Variants in LRRC3B observed in about 807,000 individuals in gnomAD.
LRRC3B encodes leucine-rich repeat-containing protein 3B.
Under a neutral mutation model 12.8 loss-of-function variants are expected in LRRC3B, and 2 were observed. The ratio of observed to expected loss-of-function variants is 0.16; its 90% CI spans 0.06 to 0.49. LRRC3B has a LOEUF of 0.49. Ranked by LOEUF, LRRC3B falls within the 20% of genes least tolerant of loss-of-function variation. The probability of loss-of-function intolerance (pLI) is 0.96; values close to 1 mark genes in which losing one functional copy is unlikely to be tolerated. For synonymous variants in LRRC3B, 132 were observed against 122.0 expected, an observed-to-expected ratio of 1.08 and a Z score of -0.54; for missense variants, 189 against 319.4, an observed-to-expected ratio of 0.59 and a Z score of 3.11.
chr3:26,677,188 T>C (rs1479052406), intron 1 of LRRC3B, among the ~76,000 whole-genome samples: 1 of 152,208 alleles, frequency 6.6e-6, no homozygotes, highest in Admixed American at 6.5e-5. Flanking sequence ...ATGAAGTACC[T>C]TGATAACTGC....
chr3:26,659,185 A>C (rs1356678657), intron 1 of LRRC3B, among the ~76,000 whole-genome samples: 1 of 152,208 alleles, frequency 6.6e-6, no homozygotes, highest in Non-Finnish European at 1.5e-5. Context: ...CCTATGAAGT[A>C]GGTACTATTA....
At chr3:26,683,948 A>C (rs1553604545) in intron 1 of LRRC3B, among the ~76,000 whole-genome samples, 1 of 152,230 alleles carries the variant, frequency 6.6e-6, no homozygotes, top group Non-Finnish European at 1.5e-5. Context: ...TTGATGTGTG[A>C]GAAAAGCTGA....
intron 1 of LRRC3B, among the ~76,000 whole-genome samples, chr3:26,636,115 T>A (rs1029278993): frequency 6.6e-6 from 1 of 152,212 alleles, no homozygotes; most frequent in African/African-American, 2.4e-5. Flanking sequence ...AGTGACTGTT[T>A]CTAAGCATTT....
intron 1 of LRRC3B, among the ~76,000 whole-genome samples, chr3:26,708,332 A>T (rs1049791584): frequency 6.6e-6 from 1 of 152,218 alleles, no homozygotes; most frequent in African/African-American, 2.4e-5. Flanking sequence ...CATAAAAGAT[A>T]GGGCTGCAAC....
intron 1 of LRRC3B, among the ~76,000 whole-genome samples, chr3:26,654,708 C>T (rs990585543): frequency 3.3e-5 from 5 of 152,150 alleles, no homozygotes; most frequent in African/African-American, 1.2e-4. Flanking sequence ...AATATCAGAA[C>T]ATCAGAATAT....
intron 1 of LRRC3B, among the ~76,000 whole-genome samples, chr3:26,662,133 C>T (rs1252395271): frequency 6.6e-6 from 1 of 152,138 alleles, no homozygotes; most frequent in Non-Finnish European, 1.5e-5. Flanking sequence ...TCCTCCTTTA[C>T]TCCTCTTGAG....
At chr3:26,686,718 T>C (rs1329801039) in intron 1 of LRRC3B, among the ~76,000 whole-genome samples, 1 of 152,236 alleles carries the variant, frequency 6.6e-6, no homozygotes, top group Non-Finnish European at 1.5e-5. Flanking sequence ...GGATTTGGCA[T>C]GCAAGAGGTT....
intron 1 of LRRC3B, among the ~76,000 whole-genome samples, chr3:26,705,218 C>T (rs1263839406): frequency 1.3e-5 from 2 of 152,104 alleles, no homozygotes; most frequent in Admixed American, 6.6e-5. Flanking sequence ...TGATGGTTGC[C>T]ACCCAATCCC....
At chr3:26,667,613 A>G (rs971438434) in intron 1 of LRRC3B, among the ~76,000 whole-genome samples, 2 of 152,162 alleles carry the variant, frequency 1.3e-5, no homozygotes, top group African/African-American at 4.8e-5. Context: ...TCCACATTCC[A>G]TGGAATTGGA....
intron 1 of LRRC3B, among the ~76,000 whole-genome samples, chr3:26,672,762 C>A (rs1034432718): frequency 1.3e-5 from 2 of 152,070 alleles, no homozygotes; most frequent in Non-Finnish European, 2.9e-5. Flanking sequence ...CTTTTTTGCC[C>A]CATTTTCATG....
chr3:26,689,835 G>A (rs909527830), intron 1 of LRRC3B, among the ~76,000 whole-genome samples: 3 of 152,186 alleles, frequency 2.0e-5, no homozygotes, highest in African/African-American at 7.2e-5. Flanking sequence ...ACAGTCAGAT[G>A]GTCCGCAGGC....
At chr3:26,647,207 T>G (rs1287082544) in intron 1 of LRRC3B, among the ~76,000 whole-genome samples, 1 of 152,156 alleles carries the variant, frequency 6.6e-6, no homozygotes, top group Non-Finnish European at 1.5e-5. Flanking sequence ...AAGAGTAGCC[T>G]TTCCTCCCTC....
At chr3:26,652,449 C>T (rs941732887) in intron 1 of LRRC3B, among the ~76,000 whole-genome samples, 1 of 152,156 alleles carries the variant, frequency 6.6e-6, no homozygotes, top group African/African-American at 2.4e-5. Context: ...AAAGGAATCT[C>T]ATAGAAGAGC....
At chr3:26,710,528 C>T in exon 2 of LRRC3B, 1 of 1,384,122 alleles carries the variant, frequency 7.2e-7, no homozygotes, top group Admixed American at 2.4e-5. Flanking sequence ...TTACTTCTCC[C>T]ATCCATTGTA....
intron 1 of LRRC3B, among the ~76,000 whole-genome samples, chr3:26,644,452 A>C (rs1228438429): frequency 6.6e-6 from 1 of 152,204 alleles, no homozygotes; most frequent in East Asian, 1.9e-4. Context: ...GTTAGACTTT[A>C]ACCTGGATAC....
At chr3:26,642,452 G>A (rs1259362066) in intron 1 of LRRC3B, among the ~76,000 whole-genome samples, 1 of 152,192 alleles carries the variant, frequency 6.6e-6, no homozygotes, top group Non-Finnish European at 1.5e-5. Flanking sequence ...AGGATGAATG[G>A]GAGAGAAGCT....
At position 26,709,653 on chromosome 3, in the gene LRRC3B, G is replaced by C; in HGVS notation, c.-20G>C. ...TGGAGTAGATGAGGAATGGGCTCGT[G>C]ATTATGCTGACATTCCAGCATGAAT... On this transcript the variant is annotated 5_prime_UTR_variant, in exon 2 of 2. An upstream open reading frame in the 5' UTR loses its in-frame stop. Transcript: ENST00000396641. The C allele has an allele frequency of 1.2e-6, 2 of 1,608,474 alleles. No individual in the cohort carries two copies. Among genetic ancestry groups the C allele is most frequent in the Admixed American group, 1.7e-5 (1 of 59,776 alleles).
intron 1 of LRRC3B, among the ~76,000 whole-genome samples, chr3:26,659,242 G>C (rs1336144039): frequency 3.3e-5 from 5 of 152,162 alleles, no homozygotes; most frequent in African/African-American, 1.2e-4. Context: ...GGTTAAGTAC[G>C]TTCCCTAAAT....
intron 1 of LRRC3B, among the ~76,000 whole-genome samples, chr3:26,629,822 G>A (rs1698715290): frequency 6.6e-6 from 1 of 152,064 alleles, no homozygotes; most frequent in Admixed American, 6.6e-5. Flanking sequence ...GTGGACTGTT[G>A]ATACCCAATG....
Sources: gnomAD v4.1 joint callset for allele counts (sites outside exome capture counted in the v4.1 genomes callset) on GRCh38, gnomAD v4.1.1 for gene constraint, MANE v1.5 for transcripts, NCBI Gene and HGNC (gene_info 2026-07-23, HGNC 2026-07-21) for gene names.